Variants in THRB observed in about 807,000 individuals in gnomAD.
THRB encodes the protein thyroid hormone receptor beta, also known as nuclear receptor subfamily 1 group A member 2.
Under a neutral mutation model 47.8 loss-of-function variants are expected in THRB, and 12 were observed. The observed-to-expected ratio is 0.25, with a 90% confidence interval of 0.16 to 0.41. The LOEUF (loss-of-function observed/expected upper bound fraction) is 0.41. THRB is among the 10% of genes least tolerant of loss of function. The pLI is 1.00. For synonymous variants in THRB, 218 were observed against 212.2 expected, an observed-to-expected ratio of 1.03 and a Z score of -0.24; for missense variants, 348 against 589.2, an observed-to-expected ratio of 0.59 and a Z score of 4.24.
chr3:24,135,060 G>C (rs1225489558), intron 8 of THRB, among the ~76,000 whole-genome samples: 1 of 152,150 alleles, frequency 6.6e-6, no homozygotes, highest in Non-Finnish European at 1.5e-5. Context: ...TGGAGCTTGG[G>C]AATCTGCATT....
chr3:24,448,683 A>T (rs1363107134), intron 1 of THRB, among the ~76,000 whole-genome samples: 1 of 152,210 alleles, frequency 6.6e-6, no homozygotes, highest in African/African-American at 2.4e-5. Context: ...TAAAAATATA[A>T]AACTTGGTCT....
chr3:24,224,542 C>CTT (rs1015623679), intron 4 of THRB, among the ~76,000 whole-genome samples: 7 of 151,960 alleles, frequency 4.6e-5, no homozygotes, highest in African/African-American at 1.7e-4. Context: ...GAAGAAATGG[C>CTT]CATTAAGAAG....
chr3:24,280,600 A>G (rs970892096), intron 3 of THRB, among the ~76,000 whole-genome samples: 2 of 152,196 alleles, frequency 1.3e-5, no homozygotes, highest in African/African-American at 2.4e-5. Context: ...TGACTTTGAC[A>G]AGCTGAGAGA....
intron 3 of THRB, among the ~76,000 whole-genome samples, chr3:24,230,384 C>G (rs780207671): frequency 6.6e-6 from 1 of 152,128 alleles, no homozygotes; most frequent in Non-Finnish European, 1.5e-5. Context: ...TGTTGAACAA[C>G]TAAATAAAAT....
intron 1 of THRB, among the ~76,000 whole-genome samples, chr3:24,378,263 A>C (rs1268978469): frequency 6.6e-6 from 1 of 152,222 alleles, no homozygotes; most frequent in African/African-American, 2.4e-5. Flanking sequence ...ACAAATAAAA[A>C]TAAGAAAAGA....
chr3:24,277,777 G>C (rs747452037), intron 3 of THRB, among the ~76,000 whole-genome samples: 1 of 152,132 alleles, frequency 6.6e-6, no homozygotes, highest in African/African-American at 2.4e-5. Flanking sequence ...CTTCCCTCAA[G>C]AGCTTTCCTG....
chr3:24,145,610 A>AACCCAGGATTTC (rs2035980729), intron 7 of THRB, among the ~76,000 whole-genome samples: 1 of 152,216 alleles, frequency 6.6e-6, no homozygotes, highest in Non-Finnish European at 1.5e-5. Flanking sequence ...GGTGGGGATT[A>AACCCAGGATTTC]ACCCAGGATT....
chr3:24,476,682 T>C (rs559969753), intron 1 of THRB, among the ~76,000 whole-genome samples: 3 of 152,212 alleles, frequency 2.0e-5, no homozygotes, highest in African/African-American at 7.2e-5. Context: ...GAATGTCCTT[T>C]GGGCAGCCTA....
chr3:24,206,945 C>A (rs2045436420), intron 4 of THRB, among the ~76,000 whole-genome samples: 1 of 151,746 alleles, frequency 6.6e-6, no homozygotes, highest in African/African-American at 2.4e-5. Context: ...AAGACTAAAC[C>A]AGGAAGTTGA....
chr3:24,269,396 C>CGT (rs1213381003), intron 3 of THRB, among the ~76,000 whole-genome samples: 25 of 100,068 alleles, frequency 2.5e-4, no homozygotes, highest in African/African-American at 1.1e-3. Context: ...CACGCGCGCG[C>CGT]GCGCGCGCAC....
chr3:24,458,350 C>A (rs2073380189), intron 1 of THRB: 1 of 151,944 alleles, frequency 6.6e-6, no homozygotes, highest in South Asian at 2.1e-4. Context: ...GTTTTTTAAT[C>A]AAAAAATATT....
chr3:24,212,485 G>C (rs953788910), intron 4 of THRB, among the ~76,000 whole-genome samples: 1 of 143,126 alleles, frequency 7.0e-6, no homozygotes, highest in Non-Finnish European at 1.5e-5. Flanking sequence ...CGGAGGCTGA[G>C]GAAAATCACT....
chr3:24,339,163 C>T (rs997575115), intron 1 of THRB, among the ~76,000 whole-genome samples: 1 of 151,882 alleles, frequency 6.6e-6, no homozygotes, highest in Non-Finnish European at 1.5e-5. Flanking sequence ...AAAATTGGAC[C>T]TCAATATTTT....
At chr3:24,155,092 C>A (rs1575457988) in intron 5 of THRB, among the ~76,000 whole-genome samples, 1 of 152,124 alleles carries the variant, frequency 6.6e-6, no homozygotes, top group Admixed American at 6.5e-5. Context: ...GCATTGGCAG[C>A]CAGACACTGA....
intron 3 of THRB, among the ~76,000 whole-genome samples, chr3:24,261,497 C>CAAAAAAAAA (rs35109952): frequency 1.1e-5 from 1 of 88,246 alleles, no homozygotes; most frequent in Admixed American, 1.3e-4. Flanking sequence ...GATTCTGTCT[C>CAAAAAAAAA]AAAAAAAAAA....
chr3:24,127,228 T>C (rs968831636), intron 10 of THRB, among the ~76,000 whole-genome samples: 6 of 152,158 alleles, frequency 3.9e-5, no homozygotes, highest in African/African-American at 1.4e-4. Flanking sequence ...CGAAGAGGGC[T>C]GCACAGTATC....
intron 1 of THRB, among the ~76,000 whole-genome samples, chr3:24,351,819 G>C (rs969211105): frequency 6.6e-6 from 1 of 152,136 alleles, no homozygotes; most frequent in Non-Finnish European, 1.5e-5. Context: ...AGACACATGA[G>C]AGCAGATGGT....
intron 1 of THRB, among the ~76,000 whole-genome samples, chr3:24,437,714 G>C (rs1434894244): frequency 6.6e-6 from 1 of 151,908 alleles, no homozygotes; most frequent in Non-Finnish European, 1.5e-5. Flanking sequence ...TACTTTTCTG[G>C]ATTTATTCAA....
At chr3:24,173,187 G>C (rs559129984) in intron 5 of THRB, among the ~76,000 whole-genome samples, 2 of 152,260 alleles carry the variant, frequency 1.3e-5, no homozygotes, top group South Asian at 4.1e-4. Context: ...GATACTAGCC[G>C]AAGTTTGAGA....
Sources: allele counts gnomAD v4.1 joint callset (sites outside exome capture counted in the v4.1 genomes callset), GRCh38; gene constraint gnomAD v4.1.1; transcripts MANE v1.5; gene names NCBI Gene and HGNC (gene_info 2026-07-23, HGNC 2026-07-21).